The following PEBP4 variants were observed in gnomAD, a reference collection of about 807,000 sequenced individuals.
PEBP4 encodes the protein phosphatidylethanolamine-binding protein 4.
PEBP4 carries 22 observed loss-of-function variants against 23.9 expected under a neutral mutation model. The ratio of observed to expected loss-of-function variants is 0.92; its 90% CI spans 0.66 to 1.31. The LOEUF is 1.31. PEBP4 is among the 40% of genes most tolerant of loss of function. The pLI is 0.00. For synonymous variants in PEBP4, 112 were observed against 99.3 expected, an observed-to-expected ratio of 1.13 and a Z score of -0.76; for missense variants, 324 against 281.7, an observed-to-expected ratio of 1.15 and a Z score of -1.07.
intron 4 of PEBP4, among the ~76,000 whole-genome samples, chr8:22,793,433 A>ATTTTTTTTTTTT: frequency 8.3e-6 from 1 of 120,342 alleles, no homozygotes; most frequent in Non-Finnish European, 1.7e-5. Context: ...CGCCCAGCTC[A>ATTTTTTTTTTTT]TTTTTTTTTT....
At chr8:22,769,525 CCCTT>C (rs1477324293) in intron 4 of PEBP4, among the ~76,000 whole-genome samples, 1 of 152,142 alleles carries the variant, frequency 6.6e-6, no homozygotes, top group Non-Finnish European at 1.5e-5. Flanking sequence ...CTTTCTGAGA[CCCTT>C]CCTTTCCTGC....
intron 1 of PEBP4, among the ~76,000 whole-genome samples, chr8:22,937,777 C>T (rs974587167): frequency 7.5e-6 from 1 of 133,620 alleles, no homozygotes; most frequent in Non-Finnish European, 1.6e-5. Context: ...AATAAACCCT[C>T]ATATGTGTGT....
intron 6 of PEBP4, 76 bp downstream of exon 6, chr8:22,724,767 C>T (rs1804588795): frequency 4.3e-6 from 5 of 1,164,166 alleles, no homozygotes; most frequent in Non-Finnish European, 6.4e-6. Context: ...GCCCCAATTT[C>T]CCCGTAAATG....
chr8:22,739,801 A>G (rs7013424), intron 4 of PEBP4, among the ~76,000 whole-genome samples: 47,047 of 151,918 alleles, frequency 0.31, 7,985 homozygotes, highest in African/African-American at 0.44. Context: ...TCTACTGCCA[A>G]CGAGAAGATG....
intron 2 of PEBP4, chr8:22,925,125 A>G: frequency 1.0e-6 from 1 of 985,296 alleles, no homozygotes; most frequent in Non-Finnish European, 1.2e-6. Context: ...TTTTCATTTC[A>G]TCATCATTCA....
At chr8:22,905,266 A>G (rs1294955389) in intron 3 of PEBP4, among the ~76,000 whole-genome samples, 2 of 150,110 alleles carry the variant, frequency 1.3e-5, no homozygotes, top group East Asian at 3.9e-4. Context: ...ATAATCACCC[A>G]TTAACATCCT....
chr8:22,903,684 C>T (rs771159591), intron 3 of PEBP4, among the ~76,000 whole-genome samples: 1 of 151,916 alleles, frequency 6.6e-6, no homozygotes, highest in Non-Finnish European at 1.5e-5. Context: ...CAACTTGTAG[C>T]TGCCTCGATC....
intron 3 of PEBP4, among the ~76,000 whole-genome samples, chr8:22,900,127 C>A (rs985293185): frequency 5.9e-5 from 9 of 152,130 alleles, no homozygotes; most frequent in Non-Finnish European, 1.0e-4. Context: ...TACCATGAGA[C>A]AAGGCTAAGT....
chr8:22,719,288 G>A lies in PEBP4; in HGVS notation c.517+5555C>T, dbSNP rs577559069. 1.8e-4 allele frequency among the ~76,000 whole-genome samples: 27 copies of A among 152,320 alleles called. 2 individuals are homozygous for A. The South Asian group carries it at 2.1e-3, about 12-fold the overall frequency. ...CACGTTGACACCATCCTGGGCGCTC[G>A]GCCTTGGAGTGGCTTCTGGAGCAAG... is the stretch of plus-strand genomic sequence containing the variant. On this transcript the variant is annotated intron_variant, in intron 6 of 6. Transcript: ENST00000256404.
At chr8:22,810,703 TGTGTGTGTGTGAGA>T (rs947363661) in intron 4 of PEBP4, among the ~76,000 whole-genome samples, 6 of 128,448 alleles carry the variant, frequency 4.7e-5, no homozygotes, top group South Asian at 2.8e-4. Flanking sequence ...TGTGTGTGTG[TGTGTGTGTGTGAGA>T]GAGAGAGAGA....
At position 22,715,500 on chromosome 8, in the gene PEBP4, G is replaced by A. The variant is rs572337852; in HGVS notation, c.518-1964C>T. ...GTGTGGCAGGAACAGGGACGAGGGGGCCTTCCCCACCGTAGGGCAGGAAGG... is the reference window on the plus strand; with the variant it reads ...GTGTGGCAGGAACAGGGACGAGGGGACCTTCCCCACCGTAGGGCAGGAAGG... On this transcript the variant is annotated intron_variant, in intron 6 of 6. Transcript: ENST00000256404. Among the ~76,000 whole-genome samples, 7 of 152,298 alleles carry A rather than the reference G, an allele frequency of 4.6e-5. No homozygotes were observed. The East Asian group carries it at 9.7e-4, about 21-fold the overall frequency.
At chr8:22,762,793 C>T (rs143959554) in intron 4 of PEBP4, among the ~76,000 whole-genome samples, 108 of 152,236 alleles carry the variant, frequency 7.1e-4, no homozygotes, top group African/African-American at 2.1e-3. Context: ...TTCCTTTGCT[C>T]GTTGTGTTAC....
intron 3 of PEBP4, among the ~76,000 whole-genome samples, chr8:22,862,384 C>G (rs1403593981): frequency 6.6e-6 from 1 of 152,066 alleles, no homozygotes; most frequent in Non-Finnish European, 1.5e-5. Flanking sequence ...TTTTCCTGCC[C>G]CAGAAGAGTG....
intron 3 of PEBP4, among the ~76,000 whole-genome samples, chr8:22,830,931 T>C (rs1218568365): frequency 6.6e-6 from 1 of 152,242 alleles, no homozygotes; most frequent in Non-Finnish European, 1.5e-5. Flanking sequence ...GTGATCCTGC[T>C]GCTTAAAATC....
rs189138692 is a variant in PEBP4, at chr8:22,912,971, G to A, written c.258+7213C>T. ...TGAGCCCTTCATTTACAAGCTCAGC[G>A]GCCTCCTGTCCCCTCTGCCTCTGGG... On this transcript the variant is annotated intron_variant, in intron 3 of 6. Transcript: ENST00000256404. Among the ~76,000 whole-genome samples the A allele has an allele frequency of 1.1e-4, 17 of 152,288 alleles. No individual in the cohort carries two copies. In the East Asian group the frequency reaches 2.3e-3, roughly 21 times the overall value.
intron 4 of PEBP4, among the ~76,000 whole-genome samples, chr8:22,735,292 T>C (rs1458625922): frequency 2.0e-5 from 3 of 151,422 alleles, no homozygotes; most frequent in Non-Finnish European, 4.4e-5. Context: ...TGCTTGGGGG[T>C]AGTGATCAGA....
intron 3 of PEBP4, among the ~76,000 whole-genome samples, chr8:22,867,981 A>G (rs1807938800): frequency 6.6e-6 from 1 of 152,194 alleles, no homozygotes; most frequent in Non-Finnish European, 1.5e-5. Context: ...ACCTCTGTGC[A>G]TGCACAGACC....
intron 3 of PEBP4, among the ~76,000 whole-genome samples, chr8:22,840,152 C>T (rs1289777580): frequency 2.0e-5 from 3 of 152,180 alleles, no homozygotes; most frequent in African/African-American, 7.2e-5. Flanking sequence ...TGAATTATAT[C>T]TAACCGTGAT....
chr8:22,915,808 G>A (rs375320358), intron 3 of PEBP4, among the ~76,000 whole-genome samples: 8 of 152,124 alleles, frequency 5.3e-5, no homozygotes, highest in East Asian at 1.9e-4. Flanking sequence ...GTCCTTCCTC[G>A]GCTAATCATT....
Sources: gnomAD v4.1 joint callset for allele counts (sites outside exome capture counted in the v4.1 genomes callset) on GRCh38, gnomAD v4.1.1 for gene constraint, MANE v1.5 for transcripts, NCBI Gene and HGNC (gene_info 2026-07-23, HGNC 2026-07-21) for gene names.